The following PLCH1 variants were observed in gnomAD, a reference collection of about 807,000 sequenced individuals.
PLCH1 encodes phospholipase C eta 1, also known as 1-phosphatidylinositol 4,5-bisphosphate phosphodiesterase eta-1.
A neutral mutation model predicts 126.7 loss-of-function variants in PLCH1; 60 were observed. The ratio of observed to expected loss-of-function variants is 0.47; its 90% CI spans 0.38 to 0.59. The LOEUF is 0.59. PLCH1 is among the 20% of genes least tolerant of loss of function. The pLI is 0.00. For missense variants in PLCH1, 1,723 were observed against 2,040.0 expected, an observed-to-expected ratio of 0.84 and a Z score of 2.99; for synonymous variants, 719 against 734.9, an observed-to-expected ratio of 0.98 and a Z score of 0.35.
chr3:155,625,701 C>T (rs777287191), intron 2 of PLCH1, among the ~76,000 whole-genome samples: 2 of 152,180 alleles, frequency 1.3e-5, no homozygotes, highest in Admixed American at 1.3e-4. Context: ...GTTAGAATGG[C>T]GATCATTAAA....
intron 6 of PLCH1, among the ~76,000 whole-genome samples, chr3:155,577,681 G>A (rs938161592): frequency 1.3e-5 from 2 of 152,104 alleles, no homozygotes; most frequent in Admixed American, 6.5e-5. Context: ...CATCTGCCAG[G>A]AACAAATGTC....
chr3:155,495,145 T>A (rs149401434), intron 15 of PLCH1, among the ~76,000 whole-genome samples: 2 of 151,972 alleles, frequency 1.3e-5, no homozygotes, highest in Admixed American at 6.5e-5. Context: ...TATAAAGGAA[T>A]AAAAGTTTTA....
At chr3:155,533,871 C>A (rs2108347402) in intron 10 of PLCH1, among the ~76,000 whole-genome samples, 2 of 152,348 alleles carry the variant, frequency 1.3e-5, no homozygotes, top group South Asian at 4.1e-4. Flanking sequence ...AAGCTCCAAG[C>A]CTTGGAAGTT....
At chr3:155,699,977 C>A (rs149419051) in intron 2 of PLCH1, among the ~76,000 whole-genome samples, 2 of 152,140 alleles carry the variant, frequency 1.3e-5, no homozygotes, top group Non-Finnish European at 2.9e-5. Flanking sequence ...ATTCTCATAC[C>A]CCCGGCCTGA....
chr3:155,532,516 T>A (rs1208146338), intron 10 of PLCH1, among the ~76,000 whole-genome samples: 1 of 152,016 alleles, frequency 6.6e-6, no homozygotes, highest in African/African-American at 2.4e-5. Flanking sequence ...TAGGGAGAAA[T>A]CTGGGGGGAG....
chr3:155,633,427 C>T (rs1738301705), intron 2 of PLCH1, among the ~76,000 whole-genome samples: 1 of 77,076 alleles, frequency 1.3e-5, no homozygotes, highest in Admixed American at 1.5e-4. Context: ...CACACACACA[C>T]ACACACACAC....
At chr3:155,608,553 T>G (rs1160957395) in intron 2 of PLCH1, among the ~76,000 whole-genome samples, 1 of 151,918 alleles carries the variant, frequency 6.6e-6, no homozygotes, top group East Asian at 1.9e-4. Context: ...AGAAACCAGC[T>G]CACTAGCTTC....
intron 1 of PLCH1, among the ~76,000 whole-genome samples, chr3:155,719,644 G>T (rs896408644): frequency 6.6e-6 from 1 of 151,510 alleles, no homozygotes; most frequent in Non-Finnish European, 1.5e-5. Context: ...ACATTATTAT[G>T]TCATGTGCTT....
At chr3:155,612,921 A>AAAAAG (rs1553855715) in intron 2 of PLCH1, among the ~76,000 whole-genome samples, 27 of 151,506 alleles carry the variant, frequency 1.8e-4, no homozygotes, top group East Asian at 3.9e-4. Context: ...AAAAAAAAAA[A>AAAAAG]AAAAGAAAAG....
chr3:155,734,672 G>A (rs889534754), intron 1 of PLCH1, among the ~76,000 whole-genome samples: 1 of 149,886 alleles, frequency 6.7e-6, no homozygotes, highest in African/African-American at 2.5e-5. Context: ...AGAAAATGTG[G>A]TATATATATA....
rs1739541046 is a variant in PLCH1 at position 155,642,660 on chromosome 3, A to G, written c.80-46282T>C. On this transcript the variant is annotated intron_variant, in intron 2 of 22. Transcript: ENST00000460012. ...TCTGCTACATAGACTTTAAACATGC[A>G]GAAGAGCTGACTTTGCCAACAAAGC... Among the ~76,000 whole-genome samples the G allele has an allele frequency of 2.0e-5, 3 of 152,380 alleles. No homozygotes were observed. In the South Asian group the frequency reaches 6.2e-4, roughly 32 times the overall value.
intron 1 of PLCH1, among the ~76,000 whole-genome samples, chr3:155,738,489 T>G (rs1749366003): frequency 6.6e-6 from 1 of 151,860 alleles, no homozygotes; most frequent in African/African-American, 2.4e-5. Context: ...AAATTTCTTT[T>G]AAAAATTAGC....
In PLCH1 at chr3:155,680,547, C is replaced by T. The variant is rs118041241; in HGVS notation, c.79+23599G>A. Among the ~76,000 whole-genome samples the T allele has an allele frequency of 2.6e-5, 4 of 152,284 alleles. No homozygotes were observed. In the East Asian group the frequency reaches 7.7e-4, roughly 29 times the overall value. The stretch of plus-strand genomic sequence containing the variant: ...CACTTCCTAAGACCTATCCCACATA[C>T]AGGTACCTCAATTAAGGGGAGGATC... On this transcript the variant is annotated intron_variant, in intron 2 of 22. Transcript: ENST00000460012.
At chr3:155,669,517 A>G (rs1043356118) in intron 2 of PLCH1, among the ~76,000 whole-genome samples, 4 of 152,174 alleles carry the variant, frequency 2.6e-5, no homozygotes, top group Non-Finnish European at 4.4e-5. Flanking sequence ...GGTCAAGGCT[A>G]CAGTGAGCCA....
chr3:155,589,877 C>T (rs546151944), intron 4 of PLCH1, among the ~76,000 whole-genome samples: 19 of 152,246 alleles, frequency 1.2e-4, no homozygotes, highest in Non-Finnish European at 2.4e-4. Context: ...CTTAACACAC[C>T]TCTATATGGC....
chr3:155,682,696 G>A (rs1237048015), intron 2 of PLCH1, among the ~76,000 whole-genome samples: 4 of 151,856 alleles, frequency 2.6e-5, no homozygotes, highest in Admixed American at 2.6e-4. Context: ...TGGAAAAACT[G>A]GGCTTTCTAA....
intron 2 of PLCH1, among the ~76,000 whole-genome samples, chr3:155,614,405 G>T (rs535123968): frequency 1.3e-5 from 2 of 151,942 alleles, no homozygotes; most frequent in South Asian, 4.2e-4. Context: ...TATACTACAA[G>T]GAGATAGTTA....
chr3:155,663,717 A>G (rs887020431), intron 2 of PLCH1, among the ~76,000 whole-genome samples: 7 of 152,162 alleles, frequency 4.6e-5, no homozygotes, highest in Non-Finnish European at 1.0e-4. Flanking sequence ...ACAGCTACTA[A>G]GCAGTCAATA....
chr3:155,723,815 A>C (rs1233384150), intron 1 of PLCH1, among the ~76,000 whole-genome samples: 1 of 151,956 alleles, frequency 6.6e-6, no homozygotes. Flanking sequence ...TTAGCTGGGC[A>C]TGGTCACAGG....
Sources: allele counts gnomAD v4.1 joint callset (sites outside exome capture counted in the v4.1 genomes callset), GRCh38; gene constraint gnomAD v4.1.1; transcripts MANE v1.5; gene names NCBI Gene and HGNC (gene_info 2026-07-23, HGNC 2026-07-21).